MERTK: variants seen among roughly 807,000 people sequenced by gnomAD.
MERTK encodes tyrosine-protein kinase Mer.
A neutral mutation model predicts 99.3 loss-of-function variants in MERTK; 69 were observed. The ratio of observed to expected loss-of-function variants is 0.70; its 90% CI spans 0.57 to 0.85. The LOEUF is 0.85. Ranked by LOEUF, MERTK falls within the 40% of genes least tolerant of loss-of-function variation. The pLI is 0.00. For missense variants in MERTK, 1,125 were observed against 1,249.4 expected (o/e 0.90, Z 1.50); for synonymous variants, 426 against 467.6 (o/e 0.91, Z 1.15).
At position 111,968,234 on chromosome 2, in the gene MERTK, C is replaced by G; in HGVS notation, c.942C>G (p.Phe314Leu). The G allele has an allele frequency of 3.7e-6, 6 of 1,613,314 alleles. No homozygotes were observed. The highest frequency in any genetic ancestry group is 3.4e-6 in the Non-Finnish European group (4 of 1,179,342). The change falls in exon 6 of 19, where the codon TTC becomes TTG. Residue 314 changes from phenylalanine to leucine, a missense_variant. Physicochemically the swap from Phe to Leu is conservative, Grantham distance 22. Coordinates refer to ENST00000295408, the MANE Select transcript of MERTK (RefSeq NM_006343.3). Reference protein sequence around the residue: ...WVPGFDGYSPFRNCSIQVKEA... With the variant: ...WVPGFDGYSPLRNCSIQVKEA... ...CTGGTTTTGATGGATACTCCCCGTT[C>G]AGGAATTGCAGCATTCAGGTAAAGT...
chr2:111,968,109 G>A (rs749583287), intron 5 of MERTK, 28 bp from the exon 6 acceptor site: 2 of 1,284,098 alleles, frequency 1.6e-6, no homozygotes, highest in African/African-American at 1.5e-5. Context: ...GTGTGTGTAT[G>A]TGTGTGTGTG....
At chr2:111,910,591 A>AGTGTGTGTGTGTGTGTGT (rs139430156) in intron 1 of MERTK, among the ~76,000 whole-genome samples, 6 of 141,214 alleles carry the variant, frequency 4.2e-5, no homozygotes, top group Admixed American at 7.2e-5. Context: ...TTAAAAAAAA[A>AGTGTGTGTGTGTGTGTGT]GTGTGTGTGT....
At chr2:111,911,993 A>G (rs1312729292) in intron 1 of MERTK, among the ~76,000 whole-genome samples, 1 of 125,832 alleles carries the variant, frequency 7.9e-6, no homozygotes, top group Admixed American at 8.5e-5. Flanking sequence ...CTGGCTTCCA[A>G]TCGCTTTATT....
chr2:111,910,610 G>GTGTGTGTGTGTGTGTATATATA (rs370882764), intron 1 of MERTK, among the ~76,000 whole-genome samples: 2 of 143,588 alleles, frequency 1.4e-5, no homozygotes, highest in African/African-American at 5.2e-5. Context: ...GTGTGTGTGT[G>GTGTGTGTGTGTGTGTATATATA]TATATATATA....
At position 112,028,161 on chromosome 2, in the gene MERTK, G is replaced by A. The variant is rs1027460100; in HGVS notation, c.2487-190G>A. On this transcript the variant is annotated intron_variant, in intron 18 of 18. Coordinates refer to ENST00000295408, the MANE Select transcript of MERTK (RefSeq NM_006343.3). ...TTCCTAGAAACAGAATCACTTTTTT[G>A]TCAAATACCATGGAACATTTACAAA... 1.5e-5 allele frequency: 10 copies of A among 653,656 alleles called. No individual in the cohort carries two copies. The South Asian group carries it at 2.0e-4, about 13-fold the overall frequency. 40.5% of individuals were successfully genotyped at this position (653,656 alleles called of 1,614,324 possible). A position where few individuals can be genotyped will look rare whatever the true frequency, so the allele number is the denominator to read the frequency against.
At position 111,906,242 on chromosome 2, in the gene MERTK, T is replaced by C. The variant is rs372848193; in HGVS notation, c.61+7446T>C. 1.3e-4 allele frequency among the ~76,000 whole-genome samples: 20 copies of C among 152,230 alleles called. No homozygotes were observed. In the East Asian group the frequency reaches 3.3e-3, roughly 25 times the overall value. ...GGTCCCCTTTTTTGTGTAATCTGCT[T>C]TTTCTTTGAGGATCTAGATACCTCA... On this transcript the variant is annotated intron_variant, in intron 1 of 18. Coordinates refer to ENST00000295408, the MANE Select transcript of MERTK (RefSeq NM_006343.3).
chr2:112,018,448 T>C (rs1677263429), intron 15 of MERTK, among the ~76,000 whole-genome samples: 1 of 152,210 alleles, frequency 6.6e-6, no homozygotes, highest in Non-Finnish European at 1.5e-5. Flanking sequence ...GATTAAGACA[T>C]TTCATTTATT....
intron 11 of MERTK, among the ~76,000 whole-genome samples, chr2:112,002,553 T>C (rs944399616): frequency 6.6e-5 from 10 of 152,134 alleles, no homozygotes; most frequent in Non-Finnish European, 1.3e-4. Flanking sequence ...GAATGAGAAA[T>C]GTGGTTCTGA....
chr2:111,938,888 A>ATG lies in MERTK; in HGVS notation c.483-6065_483-6064dup, dbSNP rs1018818137. Among the ~76,000 whole-genome samples, 9 of 152,200 alleles carry ATG rather than the reference A, an allele frequency of 5.9e-5. 1 individual carries two copies. The highest frequency in any genetic ancestry group is 2.2e-4 in the African/African-American group (9 of 41,516). Reference sequence around the variant, plus strand: ...CCTATGTAATCCTATGTATGTCTGTATGTGTGTGCTAGTCTCCAGCATGGT... The same window carrying ATG: ...CCTATGTAATCCTATGTATGTCTGTATGTGTGTGTGCTAGTCTCCAGCATGGT... On this transcript the variant is annotated intron_variant, in intron 2 of 18. Transcript: ENST00000295408.
At chr2:111,991,308 C>T (rs1268281510) in intron 8 of MERTK, among the ~76,000 whole-genome samples, 4 of 152,172 alleles carry the variant, frequency 2.6e-5, no homozygotes, top group African/African-American at 9.7e-5. Context: ...TCACTGCATC[C>T]TCCGTGTCCT....
At chr2:111,998,340 T>C (rs774213184) in intron 10 of MERTK, among the ~76,000 whole-genome samples, 19 of 152,188 alleles carry the variant, frequency 1.2e-4, no homozygotes, top group Non-Finnish European at 2.8e-4. Flanking sequence ...TGGTGTGACA[T>C]GTGGGTTCAT....
Position 111,997,301 on chromosome 2 carries a change from TGGTCTATTGGTATCTCACCA to T in MERTK, c.1451-18_1452del, listed in dbSNP as rs751499368. On this transcript the variant is annotated splice_acceptor_variant and splice_polypyrimidine_tract_variant and intron_variant, in intron 9 of 18. Coordinates refer to ENST00000295408, the MANE Select transcript of MERTK (RefSeq NM_006343.3). LOFTEE classifies it high-confidence loss of function. The stretch of plus-strand genomic sequence containing the variant: ...TTCTCATATATTTCAAACCCATGAC[TGGTCTATTGGTATCTCACCA>T]GGTTGGGTAGATTATGCCCCCTCTT... 1 of 1,613,108 alleles carries T rather than the reference TGGTCTATTGGTATCTCACCA, an allele frequency of 6.2e-7. No individual in the cohort carries two copies. The highest frequency in any genetic ancestry group is 8.5e-7 in the Non-Finnish European group (1 of 1,179,002).
intron 1 of MERTK, among the ~76,000 whole-genome samples, chr2:111,922,526 G>A (rs1171207458): frequency 3.3e-5 from 5 of 152,214 alleles, no homozygotes; most frequent in Non-Finnish European, 7.3e-5. Context: ...ATTAAACTCA[G>A]CCCTTATCCC....
chr2:111,986,329 CTT>C (rs1676477922), intron 8 of MERTK, among the ~76,000 whole-genome samples: 1 of 152,210 alleles, frequency 6.6e-6, no homozygotes, highest in Non-Finnish European at 1.5e-5. Context: ...TCAAATGCCT[CTT>C]TGAGAGAAGG....
chr2:111,986,274 T>C (rs912644741), intron 8 of MERTK, among the ~76,000 whole-genome samples: 8 of 152,248 alleles, frequency 5.3e-5, no homozygotes, highest in Admixed American at 5.2e-4. Flanking sequence ...TTGTGCGAGG[T>C]GCCTCTGGAT....
chr2:112,001,215 A>T lies in MERTK; in HGVS notation c.1619A>T (p.Glu540Val). 6.2e-7 allele frequency: 1 copy of T among 1,613,166 alleles called. No individual in the cohort carries two copies. The highest frequency in any genetic ancestry group is 1.1e-5 in the South Asian group (1 of 91,058). Residue 540 changes from glutamate to valine, a missense_variant, in exon 11 of 19, where the codon GAG becomes GTG. Physicochemically the swap from Glu to Val is moderately radical, Grantham distance 121 (BLOSUM62 -2). Transcript: ENST00000295408. Reference sequence around the variant, plus strand: ...CATTCACCCAGGAATGCATTCACAGAGGAGGATTCTGAATTAGTGGTGAAT... The same window carrying T: ...CATTCACCCAGGAATGCATTCACAGTGGAGGATTCTGAATTAGTGGTGAAT... ...QETKFGNAFT[E>V]EDSELVVNYI...
At chr2:111,924,511 C>G (rs1307556824) in intron 1 of MERTK, among the ~76,000 whole-genome samples, 1 of 152,126 alleles carries the variant, frequency 6.6e-6, no homozygotes, top group African/African-American at 2.4e-5. Flanking sequence ...CACTGACTGC[C>G]CCTGTAGTCA....
intron 18 of MERTK, chr2:112,028,087 T>TAA (rs951720028): frequency 7.8e-6 from 4 of 513,506 alleles, no homozygotes; most frequent in African/African-American, 7.7e-5. Context: ...GAAAGAGACC[T>TAA]AAATACTCCT....
intron 14 of MERTK, 109 bp downstream of exon 14, chr2:112,008,584 A>G (rs757683826): frequency 2.4e-6 from 2 of 832,468 alleles, no homozygotes; most frequent in East Asian, 4.8e-5. Context: ...GTATAACCCC[A>G]ACATAACTTA....
Sources: gnomAD v4.1 joint callset for allele counts (sites outside exome capture counted in the v4.1 genomes callset) on GRCh38, gnomAD v4.1.1 for gene constraint, MANE v1.5 for transcripts, NCBI Gene and HGNC (gene_info 2026-07-23, HGNC 2026-07-21) for gene names.